The following SMYD3 variants were observed in gnomAD, a reference collection of about 807,000 sequenced individuals.
SMYD3 encodes the protein histone-lysine N-methyltransferase SMYD3.
Under a neutral mutation model 57.7 loss-of-function variants are expected in SMYD3, and 36 were observed. The ratio of observed to expected loss-of-function variants is 0.62; its 90% CI spans 0.48 to 0.82. The LOEUF (loss-of-function observed/expected upper bound fraction) is 0.82, where lower values mean the gene tolerates loss of function less well. SMYD3 is among the 40% of genes least tolerant of loss of function. The probability of loss-of-function intolerance (pLI) is 0.00; values close to 1 mark genes in which losing one functional copy is unlikely to be tolerated. For synonymous variants in SMYD3, 211 were observed against 195.0 expected (o/e 1.08, Z -0.68); for missense variants, 515 against 538.8 (o/e 0.96, Z 0.44).
At chr1:246,450,156 A>G (rs2067611132) in intron 1 of SMYD3, among the ~76,000 whole-genome samples, 1 of 152,156 alleles carries the variant, frequency 6.6e-6, no homozygotes, top group Admixed American at 6.5e-5. Context: ...GCGTGGCGGC[A>G]CATGCCTGTA....
intron 5 of SMYD3, among the ~76,000 whole-genome samples, chr1:245,966,850 CCTTTT>C (rs2058164550): frequency 6.6e-6 from 1 of 152,072 alleles, no homozygotes; most frequent in Non-Finnish European, 1.5e-5. Flanking sequence ...TTCAAATACT[CCTTTT>C]CTTTTAAGGT....
rs564894988 is a variant in SMYD3 at position 246,131,910 on chromosome 1, T to C, written c.531+195291A>G. Among the ~76,000 whole-genome samples, 355 of 139,490 alleles carry C rather than the reference T, an allele frequency of 2.5e-3. 4 individuals carry two copies. Among genetic ancestry groups the C allele is most frequent in the African/African-American group, 8.8e-3 (313 of 35,534 alleles). 91.5% of individuals were successfully genotyped at this position (139,490 alleles called of 152,430 possible). On this transcript the variant is annotated intron_variant, in intron 5 of 11. Transcript: ENST00000490107. ...GCTGAAGGTCAGAAAAAGACTATAATGTTTAAATGAGAAATTCTTGATGTC... is the reference window on the plus strand; with the variant it reads ...GCTGAAGGTCAGAAAAAGACTATAACGTTTAAATGAGAAATTCTTGATGTC...
chr1:246,010,093 A>C (rs1032778928), intron 5 of SMYD3, among the ~76,000 whole-genome samples: 1 of 145,790 alleles, frequency 6.9e-6, no homozygotes, highest in Non-Finnish European at 1.5e-5. Flanking sequence ...TCCATCTCAA[A>C]AAACAAACAA....
intron 11 of SMYD3, among the ~76,000 whole-genome samples, chr1:245,751,551 A>AGG (rs2045360585): frequency 6.7e-6 from 1 of 150,182 alleles, no homozygotes; most frequent in Non-Finnish European, 1.5e-5. Flanking sequence ...AAAGAGAGAG[A>AGG]GAGACAGAGA....
chr1:246,246,381 T>C (rs1409980147), intron 5 of SMYD3, among the ~76,000 whole-genome samples: 3 of 152,164 alleles, frequency 2.0e-5, no homozygotes, highest in African/African-American at 4.8e-5. Flanking sequence ...TGTAAAAATA[T>C]ATTTTTCTAC....
At chr1:245,977,897 A>G (rs1353344592) in intron 5 of SMYD3, among the ~76,000 whole-genome samples, 1 of 152,214 alleles carries the variant, frequency 6.6e-6, no homozygotes, top group African/African-American at 2.4e-5. Context: ...TGTTGTGTCT[A>G]TGTATACACA....
At chr1:246,028,820 G>A (rs967816660) in intron 5 of SMYD3, among the ~76,000 whole-genome samples, 1 of 152,110 alleles carries the variant, frequency 6.6e-6, no homozygotes, top group Non-Finnish European at 1.5e-5. Flanking sequence ...CACACTACCT[G>A]ACTTCAAAAT....
At chr1:245,949,976 G>A (rs1422519592) in intron 5 of SMYD3, among the ~76,000 whole-genome samples, 4 of 151,938 alleles carry the variant, frequency 2.6e-5, no homozygotes, top group Non-Finnish European at 2.9e-5. Context: ...CACTGTCTGT[G>A]GAAGAGAAAG....
In SMYD3 at chr1:245,936,981, T is replaced by C. The variant is rs146100429; in HGVS notation, c.532-7044A>G. 4.7e-3 allele frequency among the ~76,000 whole-genome samples: 714 copies of C among 152,348 alleles called. 8 individuals carry two copies. Among genetic ancestry groups the C allele is most frequent in the African/African-American group, 0.017 (694 of 41,584 alleles). ...TATATGCTATGATTATTAAAGATTT[T>C]ACAAATTCACTTTGTAATACAAGTC... On this transcript the variant is annotated intron_variant, in intron 5 of 11. Transcript: ENST00000490107.
chr1:246,108,007 T>G (rs2061161678), intron 5 of SMYD3, among the ~76,000 whole-genome samples: 1 of 152,182 alleles, frequency 6.6e-6, no homozygotes, highest in Admixed American at 6.5e-5. Context: ...GAGCAAAATC[T>G]AAGATAGGTA....
intron 5 of SMYD3, among the ~76,000 whole-genome samples, chr1:246,247,483 A>ATT (rs2063726985): frequency 3.5e-5 from 5 of 144,404 alleles, no homozygotes; most frequent in South Asian, 2.3e-4. Flanking sequence ...ATATATATAT[A>ATT]TATTTTTTAA....
At chr1:245,843,394 T>C (rs976455937) in intron 10 of SMYD3, among the ~76,000 whole-genome samples, 1 of 152,192 alleles carries the variant, frequency 6.6e-6, no homozygotes, top group Non-Finnish European at 1.5e-5. Context: ...TGTACCAGTC[T>C]TCTGATTCCC....
intron 5 of SMYD3, among the ~76,000 whole-genome samples, chr1:246,103,266 G>A (rs886606269): frequency 1.3e-5 from 2 of 152,020 alleles, no homozygotes; most frequent in Non-Finnish European, 1.5e-5. Flanking sequence ...TTTTCCCACT[G>A]TCCTTAATTT....
At chr1:245,781,822 A>C (rs2046837448) in intron 10 of SMYD3, among the ~76,000 whole-genome samples, 1 of 152,142 alleles carries the variant, frequency 6.6e-6, no homozygotes, top group Non-Finnish European at 1.5e-5. Flanking sequence ...GTCCAAATTT[A>C]GCTGAGCGTG....
At chr1:246,417,302 C>A (rs2067077723) in intron 1 of SMYD3, 1 of 152,168 alleles carries the variant, frequency 6.6e-6, no homozygotes. Context: ...TTACCTGCTG[C>A]CCAGAAAAGC....
chr1:246,121,416 A>T (rs946665055), intron 5 of SMYD3, among the ~76,000 whole-genome samples: 57 of 122,482 alleles, frequency 4.7e-4, no homozygotes, highest in Non-Finnish European at 8.1e-4. Context: ...TGAATTTTGA[A>T]ATTCCTTCCA....
At chr1:246,038,620 C>T (rs1248742771) in intron 5 of SMYD3, among the ~76,000 whole-genome samples, 2 of 152,074 alleles carry the variant, frequency 1.3e-5, no homozygotes, top group East Asian at 1.9e-4. Flanking sequence ...TCTAGGTGAT[C>T]GCTGTATAAA....
chr1:246,209,302 G>C (rs1320839722), intron 5 of SMYD3, among the ~76,000 whole-genome samples: 2 of 125,330 alleles, frequency 1.6e-5, no homozygotes, highest in Non-Finnish European at 3.3e-5. Context: ...AAGTCATTCA[G>C]CTTGATAGAT....
intron 5 of SMYD3, among the ~76,000 whole-genome samples, chr1:245,931,360 C>A (rs973737866): frequency 6.6e-6 from 1 of 152,140 alleles, no homozygotes. Context: ...TTACTTACTG[C>A]GGGACGGCTT....
Sources: gnomAD v4.1 joint callset for allele counts (sites outside exome capture counted in the v4.1 genomes callset) on GRCh38, gnomAD v4.1.1 for gene constraint, MANE v1.5 for transcripts, NCBI Gene and HGNC (gene_info 2026-07-23, HGNC 2026-07-21) for gene names.